PRKD1: variants seen among roughly 807,000 people sequenced by gnomAD.
PRKD1 encodes the protein serine/threonine-protein kinase D1.
Under a neutral mutation model 95.9 loss-of-function variants are expected in PRKD1, and 63 were observed. The observed-to-expected ratio is 0.66, with a 90% CI of 0.54 to 0.81. The LOEUF (loss-of-function observed/expected upper bound fraction) is 0.81. Ranked by LOEUF, PRKD1 falls within the 30% of genes least tolerant of loss-of-function variation. The probability of loss-of-function intolerance (pLI) is 0.00; values close to 1 mark genes in which losing one functional copy is unlikely to be tolerated. For synonymous variants in PRKD1, 425 were observed against 423.1 expected (o/e 1.00, Z -0.05); for missense variants, 1,048 against 1,165.3 (o/e 0.90, Z 1.47).
chr14:29,790,169 G>A (rs560245989), intron 1 of PRKD1, among the ~76,000 whole-genome samples: 16 of 151,702 alleles, frequency 1.1e-4, no homozygotes, highest in Non-Finnish European at 1.8e-4. Context: ...GTGCCACCAC[G>A]CCCAGCTAAT....
chr14:29,666,271 A>G (rs1328843773), intron 2 of PRKD1, 63 bp from the exon 3 acceptor site: 2 of 1,498,800 alleles, frequency 1.3e-6, no homozygotes, highest in Non-Finnish European at 9.1e-7. Context: ...AATAAAAAGT[A>G]TGCAAGATAA....
chr14:29,749,204 C>G (rs1281289580), intron 1 of PRKD1, among the ~76,000 whole-genome samples: 1 of 152,172 alleles, frequency 6.6e-6, no homozygotes, highest in Admixed American at 6.5e-5. Flanking sequence ...CTTAGACCTA[C>G]TACACTATCT....
chr14:29,608,811 G>A (rs866087550), intron 13 of PRKD1, among the ~76,000 whole-genome samples: 3 of 152,048 alleles, frequency 2.0e-5, no homozygotes, highest in Non-Finnish European at 4.4e-5. Flanking sequence ...ACATGTCCCC[G>A]TTTCATCTTC....
intron 2 of PRKD1, among the ~76,000 whole-genome samples, chr14:29,709,512 G>A (rs1247160155): frequency 6.6e-6 from 1 of 152,128 alleles, no homozygotes; most frequent in Non-Finnish European, 1.5e-5. Flanking sequence ...CAGAGAAAGA[G>A]AACCAATAAG....
At chr14:29,891,716 G>T (rs183230115) in intron 1 of PRKD1, among the ~76,000 whole-genome samples, 1 of 151,206 alleles carries the variant, frequency 6.6e-6, no homozygotes, top group East Asian at 1.9e-4. Flanking sequence ...TATTTGCGGT[G>T]AATTTCTAAA....
chr14:29,886,322 G>T (rs1302878143), intron 1 of PRKD1, among the ~76,000 whole-genome samples: 5 of 152,166 alleles, frequency 3.3e-5, no homozygotes, highest in Admixed American at 3.3e-4. Flanking sequence ...ATTCTTAGCA[G>T]TGGCTGCCAA....
chr14:29,628,937 A>T (rs45442098), intron 11 of PRKD1, 104 bp downstream of exon 11: 1 of 828,490 alleles, frequency 1.2e-6, no homozygotes, highest in Non-Finnish European at 1.7e-6. Context: ...TTTGCTTTCC[A>T]AAATTTACTA....
At chr14:29,629,778 T>A (rs961089340) in intron 10 of PRKD1, among the ~76,000 whole-genome samples, 3 of 152,152 alleles carry the variant, frequency 2.0e-5, no homozygotes, top group African/African-American at 7.2e-5. Context: ...GAATTCTTCC[T>A]GGGATAAAGT....
chr14:29,778,754 T>G (rs576411748), intron 1 of PRKD1, among the ~76,000 whole-genome samples: 2 of 152,200 alleles, frequency 1.3e-5, no homozygotes, highest in Admixed American at 6.5e-5. Context: ...TTCCAATTGA[T>G]AGAAAAAGAG....
chr14:29,864,833 C>T (rs1391320717), intron 1 of PRKD1, among the ~76,000 whole-genome samples: 2 of 152,122 alleles, frequency 1.3e-5, no homozygotes, highest in African/African-American at 2.4e-5. Context: ...TAGCACAAAC[C>T]TACCAGGTTT....
At chr14:29,712,143 C>T (rs1313478433) in intron 2 of PRKD1, among the ~76,000 whole-genome samples, 1 of 152,094 alleles carries the variant, frequency 6.6e-6, no homozygotes, top group East Asian at 1.9e-4. Context: ...ACCCATCACT[C>T]CCAAATAATG....
At chr14:29,738,326 T>C (rs1886821905) in intron 1 of PRKD1, among the ~76,000 whole-genome samples, 1 of 152,100 alleles carries the variant, frequency 6.6e-6, no homozygotes, top group Non-Finnish European at 1.5e-5. Context: ...TTCACCTTTC[T>C]CCCTCCCTCC....
intron 1 of PRKD1, among the ~76,000 whole-genome samples, chr14:29,827,481 G>A (rs534826140): frequency 5.3e-5 from 8 of 152,110 alleles, no homozygotes; most frequent in South Asian, 2.1e-4. Context: ...GCTTCCTTAC[G>A]GTCAGCCTTC....
At chr14:29,885,168 T>C (rs965765261) in intron 1 of PRKD1, among the ~76,000 whole-genome samples, 4 of 148,776 alleles carry the variant, frequency 2.7e-5, no homozygotes, top group Middle Eastern at 3.2e-3. Flanking sequence ...TCACCAGGGG[T>C]TGAGCTCAGG....
chr14:29,901,508 A>C (rs1053473223), intron 1 of PRKD1, among the ~76,000 whole-genome samples: 1 of 152,226 alleles, frequency 6.6e-6, no homozygotes, highest in Non-Finnish European at 1.5e-5. Context: ...AATAGTAATC[A>C]ATAGTACAAC....
At chr14:29,791,083 T>A (rs1406822542) in intron 1 of PRKD1, among the ~76,000 whole-genome samples, 1 of 152,132 alleles carries the variant, frequency 6.6e-6, no homozygotes, top group African/African-American at 2.4e-5. Flanking sequence ...AACAAATACA[T>A]ACACAAAATA....
At chr14:29,705,650 A>G (rs1014786988) in intron 2 of PRKD1, among the ~76,000 whole-genome samples, 82 of 151,970 alleles carry the variant, frequency 5.4e-4, no homozygotes, top group Non-Finnish European at 1.1e-3. Context: ...CCCTCCCTCA[A>G]GCCTATGGCA....
intron 1 of PRKD1, among the ~76,000 whole-genome samples, chr14:29,827,982 T>A (rs114331881): frequency 6.6e-6 from 1 of 151,964 alleles, no homozygotes; most frequent in African/African-American, 2.4e-5. Flanking sequence ...CTCCTTTTGT[T>A]TTCTCCTTTT....
chr14:29,675,709 G>C lies in PRKD1; in HGVS notation c.404-9501C>G, dbSNP rs549199454. 7.2e-5 allele frequency among the ~76,000 whole-genome samples: 11 copies of C among 152,226 alleles called. No individual in the cohort carries two copies. In the South Asian group the frequency reaches 1.9e-3, roughly 26 times the overall value. On this transcript the variant is annotated intron_variant, in intron 2 of 17. Transcript: ENST00000331968. Reference sequence around the variant, plus strand: ...GTTTATTGTGGCACTAGTCACAATAGCAAAGACTTGGAACGAACCCAAATG... The same window carrying C: ...GTTTATTGTGGCACTAGTCACAATACCAAAGACTTGGAACGAACCCAAATG...
Sources: gnomAD v4.1 joint callset for allele counts (sites outside exome capture counted in the v4.1 genomes callset) on GRCh38, gnomAD v4.1.1 for gene constraint, MANE v1.5 for transcripts, NCBI Gene and HGNC (gene_info 2026-07-23, HGNC 2026-07-21) for gene names.